PCCA: variants seen among roughly 807,000 people sequenced by gnomAD.
PCCA encodes the protein propionyl-CoA carboxylase alpha chain, mitochondrial.
A neutral mutation model predicts 101.3 loss-of-function variants in PCCA; 74 were observed. The observed-to-expected ratio is 0.73, with a 90% CI of 0.61 to 0.89. The LOEUF is 0.89. PCCA is among the 40% of genes least tolerant of loss of function. PCCA has a pLI of 0.00. For missense variants in PCCA, 891 were observed against 907.0 expected, an observed-to-expected ratio of 0.98 and a Z score of 0.23; for synonymous variants, 294 against 313.6, an observed-to-expected ratio of 0.94 and a Z score of 0.66.
chr13:100,344,536 G>C (rs1206111028), intron 18 of PCCA, among the ~76,000 whole-genome samples: 1 of 152,066 alleles, frequency 6.6e-6, no homozygotes, highest in Admixed American at 6.6e-5. Context: ...TGATTTTTTT[G>C]TAATAATCAA....
rs745651328 is a variant in PCCA, at chr13:100,340,239, A to G, written c.1623A>G (p.Gln541=). ...SLFVAFQLRA[Q]HFQENSRMPV... is the part of the protein sequence containing the mutation. ...TTGTGGCATTCCAGTTAAGAGCACAACATTTTCAAGAAAATTCAAGGTATG... is the reference window on the plus strand; with the variant it reads ...TTGTGGCATTCCAGTTAAGAGCACAGCATTTTCAAGAAAATTCAAGGTATG... Residue 541 remains glutamine (Q), a synonymous_variant, in exon 18 of 24, where the codon CAA becomes CAG. Transcript: ENST00000376285. The G allele has an allele frequency of 1.3e-6, 2 of 1,595,778 alleles. No individual in the cohort carries two copies. The highest frequency in any genetic ancestry group is 1.7e-5 in the Admixed American group (1 of 59,998).
chr13:100,137,063 T>C (rs1035451522), intron 4 of PCCA, among the ~76,000 whole-genome samples: 15 of 152,114 alleles, frequency 9.9e-5, no homozygotes, highest in Middle Eastern at 3.4e-3. Context: ...TTTTTTTATA[T>C]ATTGTGTTTT....
intron 18 of PCCA, among the ~76,000 whole-genome samples, chr13:100,354,657 G>A (rs536734630): frequency 6.6e-6 from 1 of 152,218 alleles, no homozygotes; most frequent in Admixed American, 6.5e-5. Flanking sequence ...ATGAATAATA[G>A]GGGGTATGCC....
intron 18 of PCCA, among the ~76,000 whole-genome samples, chr13:100,350,347 A>C (rs1035062459): frequency 6.6e-6 from 1 of 152,226 alleles, no homozygotes; most frequent in Non-Finnish European, 1.5e-5. Context: ...TACAATAAAA[A>C]AAAATAGCAC....
chr13:100,210,308 A>G (rs934636081), intron 7 of PCCA, among the ~76,000 whole-genome samples: 3 of 152,210 alleles, frequency 2.0e-5, no homozygotes, highest in African/African-American at 7.2e-5. Flanking sequence ...GCATAAGTTA[A>G]AAAGAGTGAG....
At chr13:100,478,473 T>A (rs1368915756) in intron 21 of PCCA, among the ~76,000 whole-genome samples, 1 of 152,142 alleles carries the variant, frequency 6.6e-6, no homozygotes, top group African/African-American at 2.4e-5. Context: ...CTTCCCTGGG[T>A]ACCTGGGGAG....
At chr13:100,504,374 C>T (rs2085906925) in intron 21 of PCCA, among the ~76,000 whole-genome samples, 2 of 152,200 alleles carry the variant, frequency 1.3e-5, no homozygotes, top group African/African-American at 2.4e-5. Context: ...AGAATATGAT[C>T]AGAGGACACT....
intron 19 of PCCA, among the ~76,000 whole-genome samples, chr13:100,412,991 A>T (rs1195165382): frequency 2.6e-5 from 4 of 152,244 alleles, no homozygotes; most frequent in African/African-American, 9.6e-5. Flanking sequence ...ATAATGTAAA[A>T]TATAATTAAT....
chr13:100,385,927 AG>A (rs747760464), intron 19 of PCCA, among the ~76,000 whole-genome samples: 1 of 152,234 alleles, frequency 6.6e-6, no homozygotes, highest in Non-Finnish European at 1.5e-5. Flanking sequence ...CTAAGATTGT[AG>A]AAACGTAAGC....
rs2056475240 is a variant in PCCA, at chr13:100,178,771, T to C, written c.468+21431T>C. On this transcript the variant is annotated intron_variant, in intron 6 of 23. Transcript: ENST00000376285. ...AATTTAGACACAAGATTTAGCCACA[T>C]TTTTTTAATTAATTAAAATGTGTGG... Among the ~76,000 whole-genome samples the C allele has an allele frequency of 2.0e-5, 3 of 152,110 alleles. No homozygotes were observed. The South Asian group carries it at 6.2e-4, about 32-fold the overall frequency.
chr13:100,355,054 T>G lies in PCCA; in HGVS notation c.1644-13418T>G, dbSNP rs564607209. ...TCCTTCTTAAGTATTAATGCAAAAA[T>G]TCCCAACCAAATAGTGGCAAACTGA... On this transcript the variant is annotated intron_variant, in intron 18 of 23. Transcript: ENST00000376285. Among the ~76,000 whole-genome samples the G allele has an allele frequency of 3.3e-5, 5 of 152,232 alleles. No homozygotes were observed. The South Asian group carries it at 6.2e-4, about 19-fold the overall frequency.
chr13:100,173,851 C>A (rs1263095695), intron 6 of PCCA, among the ~76,000 whole-genome samples: 1 of 152,182 alleles, frequency 6.6e-6, no homozygotes. Flanking sequence ...TTCATGAAAT[C>A]TGATGGTTTT....
intron 19 of PCCA, among the ~76,000 whole-genome samples, chr13:100,405,928 A>T (rs2077649372): frequency 6.6e-6 from 1 of 151,854 alleles, no homozygotes; most frequent in South Asian, 2.1e-4. Context: ...CACCATGCCC[A>T]GCTAATTTTT....
intron 8 of PCCA, among the ~76,000 whole-genome samples, chr13:100,247,275 T>C (rs1009690549): frequency 1.4e-5 from 2 of 142,816 alleles, no homozygotes; most frequent in Non-Finnish European, 3.0e-5. Flanking sequence ...GGGAGTACAG[T>C]GGCATGATCT....
intron 16 of PCCA, among the ~76,000 whole-genome samples, chr13:100,318,635 T>C (rs909259346): frequency 2.0e-5 from 3 of 152,022 alleles, no homozygotes; most frequent in Non-Finnish European, 4.4e-5. Flanking sequence ...TCCAGCTTCA[T>C]CCATGTCCCT....
At chr13:100,379,046 C>T (rs189743177) in intron 19 of PCCA, among the ~76,000 whole-genome samples, 68 of 152,114 alleles carry the variant, frequency 4.5e-4, no homozygotes, top group Non-Finnish European at 6.3e-4. Flanking sequence ...GGGTAATATT[C>T]GCTTCTTCCA....
At chr13:100,351,338 T>C (rs573589307) in intron 18 of PCCA, among the ~76,000 whole-genome samples, 1 of 152,308 alleles carries the variant, frequency 6.6e-6, no homozygotes, top group African/African-American at 2.4e-5. Flanking sequence ...AGATTGTCAG[T>C]GAGATAAGTA....
chr13:100,117,417 A>G (rs112992787), intron 4 of PCCA, among the ~76,000 whole-genome samples: 7 of 148,532 alleles, frequency 4.7e-5, no homozygotes, highest in African/African-American at 1.5e-4. Context: ...ATCCATATGT[A>G]CATTGTGTGT....
rs2072001868 is a variant in PCCA at position 100,345,216 on chromosome 13, C to A, written c.1643+4957C>A. Among the ~76,000 whole-genome samples, 4 of 152,224 alleles carry A rather than the reference C, an allele frequency of 2.6e-5. No homozygotes were observed. In the South Asian group the frequency reaches 8.3e-4, roughly 32 times the overall value. Reference sequence around the variant, plus strand: ...TTAAGCTTAGTGGAGAAGGTATATTCAAAGCCGAGGCAGGCTAGGCCTCTT... The same window carrying A: ...TTAAGCTTAGTGGAGAAGGTATATTAAAAGCCGAGGCAGGCTAGGCCTCTT... On this transcript the variant is annotated intron_variant, in intron 18 of 23. Transcript: ENST00000376285.
Sources: allele counts gnomAD v4.1 joint callset (sites outside exome capture counted in the v4.1 genomes callset), GRCh38; gene constraint gnomAD v4.1.1; transcripts MANE v1.5; gene names NCBI Gene and HGNC (gene_info 2026-07-23, HGNC 2026-07-21).